ACSM2B: variants seen among roughly 807,000 people sequenced by gnomAD.
ACSM2B encodes the protein acyl-coenzyme A synthetase ACSM2B, mitochondrial.
ACSM2B carries 58 observed loss-of-function variants against 78.6 expected under a neutral mutation model. The observed-to-expected ratio is 0.74, with a 90% CI of 0.60 to 0.92. The LOEUF is 0.92. Ranked by LOEUF, ACSM2B falls within the 40% of genes least tolerant of loss-of-function variation. ACSM2B has a pLI of 0.00. For missense variants in ACSM2B, 688 were observed against 711.2 expected, an observed-to-expected ratio of 0.97 and a Z score of 0.37; for synonymous variants, 257 against 256.8, an observed-to-expected ratio of 1.00 and a Z score of -0.01.
At chr16:20,569,168 G>A (rs1295885594) in intron 1 of ACSM2B, among the ~76,000 whole-genome samples, 3 of 151,996 alleles carry the variant, frequency 2.0e-5, no homozygotes, top group South Asian at 2.1e-4. Context: ...TTTTTCTGAT[G>A]TTATCTTCTA....
intron 13 of ACSM2B, among the ~76,000 whole-genome samples, chr16:20,537,810 AC>A (rs1330095122): frequency 1.3e-5 from 2 of 152,178 alleles, no homozygotes; most frequent in African/African-American, 4.8e-5. Flanking sequence ...GTATGGAGTA[AC>A]CACTGAAAAA....
In ACSM2B at chr16:20,553,938, T is replaced by C. The variant is rs1448377821; in HGVS notation, c.597-18A>G. The C allele has an allele frequency of 1.2e-6, 2 of 1,612,970 alleles. No individual in the cohort carries two copies. Among genetic ancestry groups the C allele is most frequent in the South Asian group, 1.1e-5 (1 of 91,002 alleles). ...ATGCCTCACTGACAAAGACACAGAT[T>C]GTCATTTTCTCAGATCTAGCCTGGA... On this transcript the variant is annotated intron_variant, in intron 4 of 13. Coordinates refer to ENST00000329697, the MANE Select transcript of ACSM2B (RefSeq NM_001105069.2).
intron 8 of ACSM2B, 197 bp downstream of exon 8, chr16:20,547,865 T>A (rs1483814797): frequency 7.7e-7 from 1 of 1,307,098 alleles, no homozygotes; most frequent in Non-Finnish European, 1.0e-6. Flanking sequence ...TGGAATGTAA[T>A]CTCCCAGAAA....
intron 1 of ACSM2B, among the ~76,000 whole-genome samples, chr16:20,568,277 A>T (rs1033605134): frequency 6.9e-6 from 1 of 144,846 alleles, no homozygotes; most frequent in Non-Finnish European, 1.5e-5. Context: ...CATATAGTAT[A>T]TATAGATATA....
chr16:20,550,546 C>T (rs1194927322), intron 6 of ACSM2B, among the ~76,000 whole-genome samples: 1 of 152,052 alleles, frequency 6.6e-6, no homozygotes, highest in African/African-American at 2.4e-5. Flanking sequence ...GAGAAGGACA[C>T]AGAGTAAGAA....
chr16:20,551,888 T>G (rs2015319789), intron 6 of ACSM2B, among the ~76,000 whole-genome samples: 1 of 152,178 alleles, frequency 6.6e-6, no homozygotes, highest in South Asian at 2.1e-4. Context: ...GCCCATTACA[T>G]TTGTTGAGTG....
chr16:20,546,252 A>T (rs1387356311), intron 9 of ACSM2B, 142 bp downstream of exon 9: 25 of 1,409,200 alleles, frequency 1.8e-5, no homozygotes, highest in Admixed American at 1.6e-4. Flanking sequence ...CTTCCCCCTA[A>T]CCTCCCTCCG....
chr16:20,540,862 C>T (rs77291768), intron 12 of ACSM2B, 89 bp from the exon 13 acceptor site: 66,858 of 1,542,330 alleles, frequency 0.043, 2,477 homozygotes, highest in East Asian at 0.2. Flanking sequence ...AGACTTGCAT[C>T]ACCCTTGTAT....
In ACSM2B at chr16:20,566,726, T is replaced by A. The variant is rs1365008146; in HGVS notation, c.-8-1873A>T. On this transcript the variant is annotated intron_variant, in intron 1 of 13. Transcript: ENST00000329697. ...TATATATAGTATATATAGTATATAC[T>A]ATATATAGTATATACTATATATACT... 3.2e-4 allele frequency among the ~76,000 whole-genome samples: 9 copies of A among 28,092 alleles called. 2 individuals carry two copies. The South Asian group carries it at 9.9e-3, about 31-fold the overall frequency. The allele number at this position is 28,092 out of a possible 152,430, so 18.4% of individuals were successfully genotyped here.
In ACSM2B at chr16:20,566,669, G is replaced by T. The variant is rs1190571387; in HGVS notation, c.-8-1816C>A. Among the ~76,000 whole-genome samples, 32 of 28,270 alleles carry T rather than the reference G, an allele frequency of 1.1e-3. 1 individual carries two copies. The highest frequency in any genetic ancestry group is 9.5e-3 in the African/African-American group (31 of 3,280). The allele number at this position is 28,270 out of a possible 152,430, so 18.5% of individuals were successfully genotyped here. On this transcript the variant is annotated intron_variant, in intron 1 of 13. Coordinates refer to ENST00000329697, the MANE Select transcript of ACSM2B (RefSeq NM_001105069.2). The stretch of plus-strand genomic sequence containing the variant: ...ACTATACTATATATATGTATATATA[G>T]TATATACATATAGTATATACTATAT...
chr16:20,564,420 T>C (rs2015757516), intron 2 of ACSM2B, among the ~76,000 whole-genome samples: 1 of 152,120 alleles, frequency 6.6e-6, no homozygotes, highest in Non-Finnish European at 1.5e-5. Context: ...CTACATACAG[T>C]GTAAACAAAC....
chr16:20,543,299 A>T (rs1159779184), intron 10 of ACSM2B, 37 bp from the exon 11 acceptor site: 1 of 1,613,174 alleles, frequency 6.2e-7, no homozygotes, highest in Non-Finnish European at 8.5e-7. Context: ...TTGTGCCTGC[A>T]AAGCCTAAAT....
intron 1 of ACSM2B, chr16:20,574,318 C>T: frequency 6.6e-6 from 1 of 152,150 alleles, no homozygotes; most frequent in Non-Finnish European, 1.5e-5. Flanking sequence ...TCCGGGTATA[C>T]TGATTTCATA....
chr16:20,551,560 C>G (rs2015310839), intron 6 of ACSM2B, among the ~76,000 whole-genome samples: 2 of 152,052 alleles, frequency 1.3e-5, no homozygotes, highest in African/African-American at 4.8e-5. Context: ...AGACTTACAG[C>G]CTCCAGAGCT....
At chr16:20,539,933 C>T (rs1054330350) in intron 13 of ACSM2B, among the ~76,000 whole-genome samples, 1 of 152,174 alleles carries the variant, frequency 6.6e-6, no homozygotes, top group African/African-American at 2.4e-5. Context: ...TGGGACTAGC[C>T]ATAATGAAAG....
At position 20,540,324 on chromosome 16, in the gene ACSM2B, C is replaced by T. The variant is rs138759514; in HGVS notation, c.1629+330G>A. Among the ~76,000 whole-genome samples, 960 of 148,720 alleles carry T rather than the reference C, an allele frequency of 6.5e-3. 13 individuals are homozygous for T. The highest frequency in any genetic ancestry group is 0.011 in the Non-Finnish European group (757 of 67,232). ...GTGGCATGATCTCGGCTCACTGTAA[C>T]CTACACCTCCCAGATTCGAGCGATT... On this transcript the variant is annotated intron_variant, in intron 13 of 13. Coordinates refer to ENST00000329697, the MANE Select transcript of ACSM2B (RefSeq NM_001105069.2).
chr16:20,553,386 C>A (rs1204911736), intron 5 of ACSM2B, among the ~76,000 whole-genome samples: 1 of 152,214 alleles, frequency 6.6e-6, no homozygotes, highest in African/African-American at 2.4e-5. Flanking sequence ...ATATCTTCCA[C>A]TTCAGTCAAT....
At chr16:20,552,484 C>T (rs1026500460) in intron 5 of ACSM2B, among the ~76,000 whole-genome samples, 187 bp from the exon 6 acceptor site, 3 of 152,028 alleles carry the variant, frequency 2.0e-5, no homozygotes, top group African/African-American at 7.3e-5. Context: ...GTCCACACAT[C>T]CTGCATTGAT....
At chr16:20,555,138 T>C (rs1392225249) in intron 4 of ACSM2B, 131 bp downstream of exon 4, 1 of 1,460,100 alleles carries the variant, frequency 6.8e-7, no homozygotes, top group Non-Finnish European at 9.3e-7. Flanking sequence ...AGCTTTTATT[T>C]CTTCCCAGCT....
Sources: gnomAD v4.1 joint callset for allele counts (sites outside exome capture counted in the v4.1 genomes callset) on GRCh38, gnomAD v4.1.1 for gene constraint, MANE v1.5 for transcripts, NCBI Gene and HGNC (gene_info 2026-07-23, HGNC 2026-07-21) for gene names.